The following TCOF1 variants were observed in gnomAD, a reference collection of about 807,000 sequenced individuals.
The protein encoded by TCOF1 is treacle ribosome biogenesis factor 1.
TCOF1 carries 33 observed loss-of-function variants against 149.0 expected under a neutral mutation model. That is an observed-to-expected ratio of 0.22 (90% confidence interval 0.17 to 0.30). The LOEUF is 0.30. Among genes scored for constraint, TCOF1 ranks in the 10% least tolerant of loss-of-function variants. The pLI, the probability that TCOF1 is intolerant of heterozygous loss-of-function variation, is 1.00. For synonymous variants in TCOF1, 789 were observed against 738.8 expected (o/e 1.07, Z -1.10); for missense variants, 1,728 against 1,840.7 (o/e 0.94, Z 1.12).
At position 150,391,984 on chromosome 5, in the gene TCOF1, G is replaced by T. The variant is rs1767536386; in HGVS notation, c.3325G>T (p.Ala1109Ser). Reference protein sequence around the residue: ...GVDSAVGTLPATSPQSTSVQA... With the variant: ...GVDSAVGTLPSTSPQSTSVQA... ...TGACAGTGCTGTGGGAACACTCCCT[G>T]CAACAAGTCCCCAGAGCACCTCCGT... The change falls in exon 21 of 27, where the codon GCA becomes TCA. Residue 1109 changes from alanine (A) to serine (S), a missense_variant. This residue lies in a region of TCOF1 where 1,696 missense variants were observed against 1,765.4 expected (regional missense o/e 0.96). Coordinates refer to ENST00000643257, the MANE Select transcript of TCOF1 (RefSeq NM_001371623.1). The T allele has an allele frequency of 6.2e-7, 1 of 1,614,020 alleles. No homozygotes were observed. Among genetic ancestry groups the T allele is most frequent in the Non-Finnish European group, 8.5e-7 (1 of 1,180,028 alleles).
intron 17 of TCOF1, chr5:150,383,934 A>G (rs1212885347): frequency 7.4e-6 from 11 of 1,483,680 alleles, no homozygotes; most frequent in South Asian, 1.3e-5. Context: ...GTGTGGTCCA[A>G]GCTTCTGTGT....
intron 23 of TCOF1, chr5:150,394,502 C>T (rs529857925): frequency 6.6e-6 from 1 of 152,236 alleles, no homozygotes. Context: ...TTCACCTAAC[C>T]TGGGGCATCC....
chr5:150,359,071 G>C (rs1759378506), intron 1 of TCOF1, among the ~76,000 whole-genome samples: 1 of 152,014 alleles, frequency 6.6e-6, no homozygotes, highest in African/African-American at 2.4e-5. Context: ...AGCAGGCCAG[G>C]TACGGTAGCT....
chr5:150,398,023 A>G lies in TCOF1; in HGVS notation c.4346-331A>G, dbSNP rs184832320. Reference sequence around the variant, plus strand: ...CTGCAGGCTCAGCCTCCCAAGCTCAAGCGATCCTCTTGCTTCAGCCCCCCA... The same window carrying G: ...CTGCAGGCTCAGCCTCCCAAGCTCAGGCGATCCTCTTGCTTCAGCCCCCCA... On this transcript the variant is annotated intron_variant, in intron 24 of 26. Coordinates refer to ENST00000643257, the MANE Select transcript of TCOF1 (RefSeq NM_001371623.1). Among the ~76,000 whole-genome samples, 231 of 152,290 alleles carry G rather than the reference A, an allele frequency of 1.5e-3. 3 individuals are homozygous for G. Among genetic ancestry groups the G allele is most frequent in the African/African-American group, 5.4e-3 (225 of 41,562 alleles).
intron 17 of TCOF1, chr5:150,383,004 C>A: frequency 1.5e-6 from 2 of 1,371,948 alleles, no homozygotes; most frequent in South Asian, 1.4e-5. Flanking sequence ...TGGCTGTTTC[C>A]CCCTCAGCAA....
At position 150,378,936 on chromosome 5, in the gene TCOF1, AAGCCAACCCAGCTGCCGCCAG is replaced by A. The variant is rs1297636842; in HGVS notation, c.2376_2396del (p.Asn793_Ala799del). The A allele has an allele frequency of 4.3e-6, 7 of 1,614,002 alleles. No individual in the cohort carries two copies. In the African/African-American group the frequency reaches 9.3e-5, roughly 22 times the overall value. On this transcript the variant is annotated inframe_deletion, in exon 15 of 27. Coordinates refer to ENST00000643257, the MANE Select transcript of TCOF1 (RefSeq NM_001371623.1). ...ACCTCAGTAAAGAAAACCCAGGCCAAAGCCAACCCAGCTGCCGCCAGAGCACCTTCAGCAAAAGGGACAATT... is the reference window on the plus strand; with the variant it reads ...ACCTCAGTAAAGAAAACCCAGGCCAAAGCACCTTCAGCAAAAGGGACAATT...
At position 150,376,110 on chromosome 5, in the gene TCOF1, C is replaced by T. The variant is rs754657504; in HGVS notation, c.1922C>T (p.Thr641Ile). The stretch of plus-strand genomic sequence containing the variant: ...AAACCAGCTCTGAAAATTCCTCAGA[C>T]CAAGGCCTGCCCAAAGAAAACCAAT... ...QAKPALKIPQ[T>I]KACPKKTNTT... is the part of the protein sequence containing the mutation. The change falls in exon 13 of 27, where the codon ACC becomes ATC. Residue 641 changes from threonine to isoleucine, a missense_variant. Physicochemically the swap from Thr to Ile is moderately conservative, Grantham distance 89. Around this residue, in one of 2 missense-constraint regions of TCOF1, gnomAD observed 1,696 missense variants for 1,765.4 expected, o/e 0.96. Transcript: ENST00000643257. 9 of 1,614,120 alleles carry T rather than the reference C, an allele frequency of 5.6e-6. 1 individual carries two copies. In the South Asian group the frequency reaches 6.6e-5, roughly 12 times the overall value.
intron 17 of TCOF1, chr5:150,384,673 G>A (rs1169362600): frequency 1.1e-6 from 1 of 929,406 alleles, no homozygotes; most frequent in Non-Finnish European, 1.2e-6. Context: ...GAAGATTCTG[G>A]AGTCTATTTA....
chr5:150,359,432 G>C (rs1759503152), intron 1 of TCOF1, among the ~76,000 whole-genome samples: 1 of 152,162 alleles, frequency 6.6e-6, no homozygotes, highest in Non-Finnish European at 1.5e-5. Flanking sequence ...GGGCTGGCTG[G>C]AGTGGTCTGG....
At chr5:150,384,783 A>G in intron 17 of TCOF1, 1 of 985,462 alleles carries the variant, frequency 1.0e-6, no homozygotes, top group Middle Eastern at 5.2e-4. Flanking sequence ...TGATTGAGAG[A>G]TTTTTAGTTC....
At chr5:150,376,743 C>A in intron 14 of TCOF1, 123 bp downstream of exon 14, 1 of 951,978 alleles carries the variant, frequency 1.1e-6, no homozygotes, top group Non-Finnish European at 1.6e-6. Flanking sequence ...GTAGCCTCAA[C>A]ACAGCTTCCT....
chr5:150,396,355 A>G lies in TCOF1; in HGVS notation c.3858A>G (p.Gln1286=). 6.2e-7 allele frequency: 1 copy of G among 1,613,972 alleles called. No homozygotes were observed. Among genetic ancestry groups the G allele is most frequent in the South Asian group, 1.1e-5 (1 of 91,082 alleles). The change falls in exon 24 of 27, where the codon CAA becomes CAG. Residue 1286 remains glutamine, a synonymous_variant. Transcript: ENST00000643257. ...RKPKKGAGNP[Q]ASTLALQSNI... ...CCAAGAAAGGGGCTGGGAACCCCCA[A>G]GCCTCAACCCTGGCGCTGCAAAGCA...
rs1767830213 is a variant in TCOF1 at position 150,393,432 on chromosome 5, G to A, written c.3664G>A (p.Ala1222Thr). Reference sequence around the variant, plus strand: ...CCCAGCCAATTCCCAGGCCTCAAAAGCCACTCCCAAGCTAGACTCCAGCCC... The same window carrying A: ...CCCAGCCAATTCCCAGGCCTCAAAAACCACTCCCAAGCTAGACTCCAGCCC... The part of the protein sequence containing the change: ...LTPANSQASK[A>T]TPKLDSSPSV... The change falls in exon 23 of 27, where the codon GCC becomes ACC. Residue 1222 changes from alanine (A) to threonine (T), a missense_variant. By Grantham distance (58) the Ala-to-Thr change is moderately conservative (BLOSUM62 0). Around this residue, in one of 2 missense-constraint regions of TCOF1, gnomAD observed 1,696 missense variants for 1,765.4 expected, o/e 0.96. Coordinates refer to ENST00000643257, the MANE Select transcript of TCOF1 (RefSeq NM_001371623.1). The A allele has an allele frequency of 6.2e-7, 1 of 1,614,106 alleles. No homozygotes were observed. Among genetic ancestry groups the A allele is most frequent in the South Asian group, 1.1e-5 (1 of 91,076 alleles).
intron 17 of TCOF1, chr5:150,384,340 A>T (rs1003468528): frequency 2.4e-5 from 24 of 985,936 alleles, no homozygotes; most frequent in Non-Finnish European, 2.8e-5. Flanking sequence ...TTGCATTTTA[A>T]GGAACTGGGA....
chr5:150,375,065 G>C lies in TCOF1; in HGVS notation c.1390G>C (p.Ala464Pro), dbSNP rs150956690. Residue 464 changes from alanine (A) to proline (P), a missense_variant, in exon 10 of 27, where the codon GCC becomes CCC. Ala to Pro is a conservative substitution (Grantham distance 27, BLOSUM62 -1). Transcript: ENST00000643257. Reference sequence around the variant, plus strand: ...TCCTAGGAAAACAGGGCCTGCAGCCGCCCAGGTCCAGGTGGGGAAGCAGGA... The same window carrying C: ...TCCTAGGAAAACAGGGCCTGCAGCCCCCCAGGTCCAGGTGGGGAAGCAGGA... ...APPRKTGPAAAQVQVGKQEED... is the reference protein window; with the variant it reads ...APPRKTGPAAPQVQVGKQEED... 6.2e-7 allele frequency: 1 copy of C among 1,614,084 alleles called. No individual in the cohort carries two copies. Among genetic ancestry groups the C allele is most frequent in the South Asian group, 1.1e-5 (1 of 91,076 alleles).
intron 17 of TCOF1, among the ~76,000 whole-genome samples, chr5:150,383,380 C>T (rs1262123640): frequency 6.6e-6 from 1 of 152,272 alleles, no homozygotes; most frequent in Non-Finnish European, 1.5e-5. Context: ...GGCTTCAGAG[C>T]CAGGTGGTGT....
At chr5:150,392,543 G>A (rs987006093) in intron 21 of TCOF1, 162 bp from the exon 22 acceptor site, 7 of 700,252 alleles carry the variant, frequency 1.0e-5, no homozygotes, top group African/African-American at 3.5e-5. Flanking sequence ...CTAGCGATAA[G>A]TGTGCAAGGA....
chr5:150,384,428 A>C (rs1765851446), intron 17 of TCOF1: 2 of 985,354 alleles, frequency 2.0e-6, no homozygotes, highest in African/African-American at 3.5e-5. Context: ...GTGTTTGAGC[A>C]CAGGCCATTC....
intron 24 of TCOF1, among the ~76,000 whole-genome samples, chr5:150,397,776 T>C (rs1350038830): frequency 1.3e-5 from 2 of 152,124 alleles, no homozygotes; most frequent in Non-Finnish European, 2.9e-5. Context: ...CCATTTAAAA[T>C]AAATTTGCGG....
Sources: allele counts gnomAD v4.1 joint callset (sites outside exome capture counted in the v4.1 genomes callset), GRCh38; gene constraint gnomAD v4.1.1; regional missense constraint gnomAD v4.1.1; transcripts MANE v1.5; gene names NCBI Gene and HGNC (gene_info 2026-07-23, HGNC 2026-07-21).